Variants in BLOC1S3 observed in about 807,000 individuals in gnomAD.
BLOC1S3 encodes the protein biogenesis of lysosome-related organelles complex 1 subunit 3.
In BLOC1S3, 7 loss-of-function variants were observed where a neutral mutation model predicts 9.1. The observed-to-expected ratio is 0.77, with a 90% CI of 0.44 to 1.45. BLOC1S3 has a LOEUF of 1.45. Ranked by LOEUF, BLOC1S3 falls within the 40% of genes most tolerant of loss-of-function variation. The pLI is 0.01. For synonymous variants in BLOC1S3, 145 were observed against 158.4 expected, an observed-to-expected ratio of 0.92 and a Z score of 0.64; for missense variants, 307 against 315.2, an observed-to-expected ratio of 0.97 and a Z score of 0.20.
At chr19:45,209,567 G>A (rs1436589493) in intron 3 of BLOC1S3, among the ~76,000 whole-genome samples, 3 of 151,786 alleles carry the variant, frequency 2.0e-5, no homozygotes, top group East Asian at 1.9e-4. Flanking sequence ...GACTACAGGC[G>A]CCTGCCACTA....
At chr19:45,202,759 C>T (rs976189697) in intron 3 of BLOC1S3, among the ~76,000 whole-genome samples, 1 of 152,136 alleles carries the variant, frequency 6.6e-6, no homozygotes, top group Non-Finnish European at 1.5e-5. Context: ...CTGGGTCACA[C>T]CTGAAATCAG....
At chr19:45,194,012 C>T (rs1418241478) in intron 2 of BLOC1S3, among the ~76,000 whole-genome samples, 1 of 136,858 alleles carries the variant, frequency 7.3e-6, no homozygotes, top group Non-Finnish European at 1.5e-5. Flanking sequence ...ACCGTGTTAG[C>T]CAGGATGGTC....
intron 3 of BLOC1S3, chr19:45,213,063 T>G (rs2122947757): frequency 6.8e-7 from 1 of 1,474,560 alleles, no homozygotes; most frequent in Non-Finnish European, 8.9e-7. Context: ...GGCGGTTGGG[T>G]GACCCTCAGC....
At chr19:45,186,392 G>A (rs1969566057), downstream of BLOC1S3, among the ~76,000 whole-genome samples, 1 of 151,936 alleles carries the variant, frequency 6.6e-6, no homozygotes, top group Non-Finnish European at 1.5e-5. Context: ...TGAACTCCTG[G>A]GCTCAAGCAA....
chr19:45,212,878 G>T (rs767857620), intron 3 of BLOC1S3: 5 of 592,478 alleles, frequency 8.4e-6, no homozygotes, highest in African/African-American at 7.8e-5. Context: ...GGGATTACAG[G>T]CATGAGCCAC....
At chr19:45,199,772 TCTC>T (rs1375506290) in intron 2 of BLOC1S3, among the ~76,000 whole-genome samples, 1 of 151,874 alleles carries the variant, frequency 6.6e-6, no homozygotes, top group African/African-American at 2.4e-5. Flanking sequence ...TCTCTTCTCT[TCTC>T]TTTTTGAGAC....
chr19:45,202,436 G>A (rs1338654898), exon 3 of BLOC1S3: 1 of 154,776 alleles, frequency 6.5e-6, no homozygotes, highest in Non-Finnish European at 1.4e-5. Context: ...CACTGCTCCA[G>A]GCCCATGGCA....
chr19:45,208,662 G>A (rs1229915908), intron 3 of BLOC1S3, among the ~76,000 whole-genome samples: 2 of 152,048 alleles, frequency 1.3e-5, no homozygotes, highest in African/African-American at 4.8e-5. Context: ...GGCTGAGGCA[G>A]GAGAATCACT....
At chr19:45,184,903 C>CAAAAAAAAAAA (rs71338752), downstream of BLOC1S3, among the ~76,000 whole-genome samples, 47 of 48,286 alleles carry the variant, frequency 9.7e-4, 5 homozygotes, top group Non-Finnish European at 1.6e-3. Context: ...CTGTCTCAAA[C>CAAAAAAAAAAA]AAAAAAAAAA....
chr19:45,190,681 C>T (rs1416163154), intron 2 of BLOC1S3, among the ~76,000 whole-genome samples: 2 of 151,696 alleles, frequency 1.3e-5, no homozygotes, highest in African/African-American at 2.4e-5. Flanking sequence ...GGATTACAGG[C>T]GCCAGCCACT....
intron 3 of BLOC1S3, among the ~76,000 whole-genome samples, chr19:45,215,735 G>A (rs891363664): frequency 6.6e-6 from 1 of 152,132 alleles, no homozygotes; most frequent in East Asian, 1.9e-4. Context: ...GTCCCAGTGC[G>A]TGTGCGCCCG....
chr19:45,179,993 AC>A lies in BLOC1S3; in HGVS notation c.*94del, dbSNP rs1238085424. ...GACTCTGTCTCCTGTGTCTCTTATC[AC>A]CCCCCACCCCCGCTCCCATCTTGGT... On this transcript the variant is annotated 3_prime_UTR_variant, in exon 2 of 2. Coordinates refer to ENST00000433642, the MANE Select transcript of BLOC1S3 (RefSeq NM_212550.5). This position sits in a 1 kb window ranked among gnomAD's most constrained non-coding sequence, Gnocchi z 4.6. 3.4e-5 allele frequency: 49 copies of A among 1,439,426 alleles called. No individual in the cohort carries two copies. Among genetic ancestry groups the A allele is most frequent in the Non-Finnish European group, 4.0e-5 (43 of 1,061,974 alleles). The allele number at this position is 1,439,426 out of a possible 1,614,324, so 89.2% of individuals were successfully genotyped here. A position where few individuals can be genotyped will look rare whatever the true frequency, so the allele number is the denominator to read the frequency against.
intron 2 of BLOC1S3, among the ~76,000 whole-genome samples, chr19:45,198,579 C>T (rs933607760): frequency 6.6e-6 from 1 of 152,232 alleles, no homozygotes; most frequent in Non-Finnish European, 1.5e-5. Context: ...CAGGCGTGAG[C>T]CGCCGCACCC....
downstream of BLOC1S3, among the ~76,000 whole-genome samples, chr19:45,183,141 T>C (rs563014060): frequency 6.6e-6 from 1 of 151,906 alleles, no homozygotes. Flanking sequence ...AGGGGGGTGC[T>C]GAGTGCAGTA....
At chr19:45,216,306 T>C in intron 3 of BLOC1S3, 1 of 1,422,524 alleles carries the variant, frequency 7.0e-7, no homozygotes, top group Non-Finnish European at 9.4e-7. Flanking sequence ...CCAGGGGTGG[T>C]GGCTCAAGCC....
intron 3 of BLOC1S3, among the ~76,000 whole-genome samples, chr19:45,206,878 C>A (rs965207395): frequency 6.6e-6 from 1 of 152,024 alleles, no homozygotes; most frequent in African/African-American, 2.4e-5. Context: ...ACTCTTGTCA[C>A]CCAAGCTGGA....
Position 45,180,135 on chromosome 19 carries a change from C to G in BLOC1S3, c.*230C>G, listed in dbSNP as rs1423833572. Reference sequence around the variant, plus strand: ...CCTTAGATCTGGTTCCTCTCCCGATCCTGACCCTGCCGCCTGGTTCTGAGC... The same window carrying G: ...CCTTAGATCTGGTTCCTCTCCCGATGCTGACCCTGCCGCCTGGTTCTGAGC... On this transcript the variant is annotated 3_prime_UTR_variant, in exon 2 of 2. Transcript: ENST00000433642. 1 of 469,112 alleles carries G rather than the reference C, an allele frequency of 2.1e-6. No individual in the cohort carries two copies. Among genetic ancestry groups the G allele is most frequent in the Non-Finnish European group, 3.8e-6 (1 of 262,818 alleles). The allele number at this position is 469,112 out of a possible 1,614,324, so 29.1% of individuals were successfully genotyped here.
intron 2 of BLOC1S3, among the ~76,000 whole-genome samples, chr19:45,197,116 C>T (rs1969654409): frequency 1.3e-5 from 2 of 149,862 alleles, no homozygotes; most frequent in South Asian, 2.1e-4. Context: ...TTCCTTTACT[C>T]CCTTATGGCT....
Position 45,179,482 on chromosome 19 carries a change from G to T in BLOC1S3, c.186G>T (p.Glu62Asp). Residue 62 changes from glutamate (E) to aspartate (D), a missense_variant, in exon 2 of 2, where the codon GAG (glutamate) becomes GAT (aspartate). Transcript: ENST00000433642. The surrounding 1 kb of genome is among the most constrained non-coding windows in gnomAD (Gnocchi z 4.6). ...TGCGGGTGGCTGGGGAAGCCGCGGAGACCGACTCGGAGCCGGAGCCGGAGC... is the reference window on the plus strand; with the variant it reads ...TGCGGGTGGCTGGGGAAGCCGCGGATACCGACTCGGAGCCGGAGCCGGAGC... The part of the protein sequence containing the change: ...TGLRVAGEAA[E>D]TDSEPEPEPE... 6.6e-7 allele frequency: 1 copy of T among 1,523,888 alleles called. No individual in the cohort carries two copies. Among genetic ancestry groups the T allele is most frequent in the Admixed American group, 2.0e-5 (1 of 50,400 alleles). The allele number at this position is 1,523,888 out of a possible 1,614,324, so 94.4% of individuals were successfully genotyped here. A position where few individuals can be genotyped will look rare whatever the true frequency, so the allele number is the denominator to read the frequency against.
Sources: gnomAD v4.1 joint callset for allele counts (sites outside exome capture counted in the v4.1 genomes callset) on GRCh38, gnomAD v4.1.1 for gene constraint, Gnocchi (gnomAD v3.1) non-coding constraint, MANE v1.5 for transcripts, NCBI Gene and HGNC (gene_info 2026-07-23, HGNC 2026-07-21) for gene names.